Variants in DLGAP1 observed in about 807,000 individuals in gnomAD.
DLGAP1 encodes the protein disks large-associated protein 1.
In DLGAP1, 11 loss-of-function variants were observed where a neutral mutation model predicts 90.8. The ratio of observed to expected loss-of-function variants is 0.12; its 90% CI spans 0.08 to 0.20. The LOEUF (loss-of-function observed/expected upper bound fraction) is 0.20, where lower values mean the gene tolerates loss of function less well. Ranked by LOEUF, DLGAP1 falls within the 10% of genes least tolerant of loss-of-function variation. The pLI, the probability that DLGAP1 is intolerant of heterozygous loss-of-function variation, is 1.00. For missense variants in DLGAP1, 1,050 were observed against 1,333.8 expected, an observed-to-expected ratio of 0.79 and a Z score of 3.31; for synonymous variants, 558 against 540.7, an observed-to-expected ratio of 1.03 and a Z score of -0.44.
chr18:4,131,481 C>T (rs1291364808), intron 2 of DLGAP1, among the ~76,000 whole-genome samples: 3 of 152,148 alleles, frequency 2.0e-5, no homozygotes, highest in African/African-American at 7.2e-5. Context: ...CCCTACTTGG[C>T]TTTTCTAGAA....
chr18:4,163,240 G>A (rs780327417), intron 1 of DLGAP1, among the ~76,000 whole-genome samples: 1 of 152,104 alleles, frequency 6.6e-6, no homozygotes, highest in Non-Finnish European at 1.5e-5. Context: ...GTGTACTTTT[G>A]TCTTTAATGA....
In DLGAP1 at chr18:4,342,576, T is replaced by A. The variant is rs2081214809; in HGVS notation, c.-267+112430A>T. Reference sequence around the variant, plus strand: ...GCTTTGATGAAATAATTTAATTACATCATTCTTTCCAAGAATCTGGCTTAG... The same window carrying A: ...GCTTTGATGAAATAATTTAATTACAACATTCTTTCCAAGAATCTGGCTTAG... On this transcript the variant is annotated intron_variant, in intron 1 of 12. Transcript: ENST00000315677. The surrounding 1 kb of genome is among the most constrained non-coding windows in gnomAD (Gnocchi z 5.8). Among the ~76,000 whole-genome samples the A allele has an allele frequency of 6.6e-6, 1 of 152,170 alleles. No homozygotes were observed. Among genetic ancestry groups the A allele is most frequent in the South Asian group, 2.1e-4 (1 of 4,834 alleles).
At chr18:4,071,351 AATAT>A (rs1443432361) in intron 2 of DLGAP1, among the ~76,000 whole-genome samples, 1 of 152,154 alleles carries the variant, frequency 6.6e-6, no homozygotes, top group African/African-American at 2.4e-5. Flanking sequence ...ATTAAATATT[AATAT>A]AACCAACTTT....
chr18:3,802,516 C>G (rs2066355146), intron 5 of DLGAP1, among the ~76,000 whole-genome samples: 1 of 152,240 alleles, frequency 6.6e-6, no homozygotes, highest in Non-Finnish European at 1.5e-5. Flanking sequence ...CCTCCGTAGT[C>G]TGTTGCCTCT....
chr18:4,107,888 C>A (rs1251494210), intron 2 of DLGAP1, among the ~76,000 whole-genome samples: 1 of 151,982 alleles, frequency 6.6e-6, no homozygotes, highest in African/African-American at 2.4e-5. Flanking sequence ...TGTTTCAGGT[C>A]CGAAGAAAAA....
At chr18:3,573,483 C>A (rs928836218) in intron 8 of DLGAP1, among the ~76,000 whole-genome samples, 1 of 152,130 alleles carries the variant, frequency 6.6e-6, no homozygotes, top group African/African-American at 2.4e-5. Flanking sequence ...GCCTGGGTGA[C>A]AAGAGCAAAA....
chr18:4,266,732 T>A lies in DLGAP1; in HGVS notation c.-266-115445A>T, dbSNP rs866216421. ...CAATGATATTTGGGTAAATTTCAGA[T>A]GATTACATACATCCATGTCTTATGA... is the stretch of plus-strand genomic sequence containing the variant. On this transcript the variant is annotated intron_variant, in intron 1 of 12. Coordinates refer to ENST00000315677, the MANE Select transcript of DLGAP1 (RefSeq NM_004746.4). 4.6e-4 allele frequency among the ~76,000 whole-genome samples: 70 copies of A among 152,350 alleles called. 1 individual carries two copies. The highest frequency in any genetic ancestry group is 1.7e-3 in the African/African-American group (69 of 41,580).
chr18:4,345,894 G>A (rs2081294135), intron 1 of DLGAP1, among the ~76,000 whole-genome samples: 1 of 152,210 alleles, frequency 6.6e-6, no homozygotes. Flanking sequence ...CTCTTACACA[G>A]TGTTAGTGAG....
intron 5 of DLGAP1, among the ~76,000 whole-genome samples, chr18:3,761,939 A>G (rs1032246936): frequency 1.3e-5 from 2 of 152,194 alleles, no homozygotes; most frequent in African/African-American, 4.8e-5. Flanking sequence ...TAACAGAAGA[A>G]CTTCGTCTTT....
chr18:3,682,871 T>G (rs932956966), intron 7 of DLGAP1, among the ~76,000 whole-genome samples: 26 of 151,910 alleles, frequency 1.7e-4, no homozygotes, highest in Non-Finnish European at 3.7e-4. Context: ...TTTTTTTTTT[T>G]TTCTGAGATG....
intron 4 of DLGAP1, among the ~76,000 whole-genome samples, chr18:3,854,072 A>G (rs2069490903): frequency 6.6e-6 from 1 of 152,206 alleles, no homozygotes; most frequent in Non-Finnish European, 1.5e-5. Context: ...GGTATTTTAC[A>G]AAATGTACCC....
intron 2 of DLGAP1, among the ~76,000 whole-genome samples, chr18:4,124,033 G>T (rs1001667977): frequency 2.6e-5 from 4 of 152,174 alleles, no homozygotes; most frequent in Admixed American, 2.6e-4. Context: ...TCAATCGCAA[G>T]AGAATTCTGA....
At chr18:4,453,215 T>C (rs189285836) in intron 1 of DLGAP1, among the ~76,000 whole-genome samples, 17 of 152,354 alleles carry the variant, frequency 1.1e-4, no homozygotes, top group Admixed American at 3.3e-4. Context: ...CTGACTTCTA[T>C]GAACTTTCTT....
chr18:4,444,157 T>G (rs1324611444), intron 1 of DLGAP1, among the ~76,000 whole-genome samples: 1 of 152,206 alleles, frequency 6.6e-6, no homozygotes, highest in South Asian at 2.1e-4. Flanking sequence ...TAGAGCCCAC[T>G]GTGACCACGA....
intron 1 of DLGAP1, among the ~76,000 whole-genome samples, chr18:4,442,853 T>C (rs898195587): frequency 5.9e-5 from 9 of 152,232 alleles, no homozygotes; most frequent in African/African-American, 1.7e-4. Flanking sequence ...CTGGGACGTA[T>C]GCTCCATGGC....
At chr18:4,097,014 G>C (rs1361430949) in intron 2 of DLGAP1, among the ~76,000 whole-genome samples, 1 of 152,156 alleles carries the variant, frequency 6.6e-6, no homozygotes, top group Non-Finnish European at 1.5e-5. Context: ...TCTTACAGGG[G>C]TCTCCTCTCT....
intron 2 of DLGAP1, among the ~76,000 whole-genome samples, chr18:4,114,886 T>C (rs2144041145): frequency 6.6e-6 from 1 of 152,264 alleles, no homozygotes; most frequent in Non-Finnish European, 1.5e-5. Flanking sequence ...AGTTGGGCTT[T>C]GTTATTTTTC....
intron 9 of DLGAP1, among the ~76,000 whole-genome samples, chr18:3,548,175 G>C (rs1267928164): frequency 6.6e-6 from 1 of 152,062 alleles, no homozygotes; most frequent in African/African-American, 2.4e-5. Flanking sequence ...TCGTGATGAT[G>C]GTTGTACAAT....
rs2069295480 is a variant in DLGAP1 at position 3,850,825 on chromosome 18, G to A, written c.957+28287C>T. Among the ~76,000 whole-genome samples the A allele has an allele frequency of 2.0e-5, 3 of 151,870 alleles. No homozygotes were observed. The South Asian group carries it at 6.2e-4, about 32-fold the overall frequency. On this transcript the variant is annotated intron_variant, in intron 4 of 12. Coordinates refer to ENST00000315677, the MANE Select transcript of DLGAP1 (RefSeq NM_004746.4). ...TGCTTTATTTTTATTTTTTATTTTT[G>A]AAGATTAACTTGGTTGATAGGTAAA...
Sources: allele counts gnomAD v4.1 joint callset (sites outside exome capture counted in the v4.1 genomes callset), GRCh38; gene constraint gnomAD v4.1.1; non-coding constraint Gnocchi (gnomAD v3.1); transcripts MANE v1.5; gene names NCBI Gene and HGNC (gene_info 2026-07-23, HGNC 2026-07-21).